Variants in COL21A1 observed in about 807,000 individuals in gnomAD.
COL21A1 encodes the protein collagen alpha-1(XXI) chain.
COL21A1 carries 149 observed loss-of-function variants against 137.9 expected under a neutral mutation model. The observed-to-expected ratio is 1.08, with a 90% CI of 0.95 to 1.24. The LOEUF (loss-of-function observed/expected upper bound fraction) is 1.24, where lower values mean the gene tolerates loss of function less well. Ranked by LOEUF, COL21A1 falls within the 50% of genes most tolerant of loss-of-function variation. The probability of loss-of-function intolerance (pLI) is 0.00; values close to 1 mark genes in which losing one functional copy is unlikely to be tolerated. For synonymous variants in COL21A1, 456 were observed against 391.5 expected, an observed-to-expected ratio of 1.16 and a Z score of -1.95; for missense variants, 1,167 against 1,158.4, an observed-to-expected ratio of 1.01 and a Z score of -0.11.
At chr6:56,120,870 C>A (rs201275665) in intron 16 of COL21A1, among the ~76,000 whole-genome samples, 71 of 151,482 alleles carry the variant, frequency 4.7e-4, no homozygotes, top group African/African-American at 1.6e-3. Flanking sequence ...GGTATGTACC[C>A]AAAAGAAGAA....
intron 16 of COL21A1, among the ~76,000 whole-genome samples, chr6:56,111,182 A>T (rs1313012221): frequency 6.6e-6 from 1 of 151,854 alleles, no homozygotes; most frequent in Non-Finnish European, 1.5e-5. Context: ...TCTGAATCTA[A>T]TCATGAGGAA....
intron 10 of COL21A1, among the ~76,000 whole-genome samples, chr6:56,146,883 T>C (rs1031020681): frequency 3.3e-5 from 5 of 152,162 alleles, no homozygotes; most frequent in South Asian, 2.1e-4. Flanking sequence ...TCCTCTCTCA[T>C]ATAGGAAAGG....
chr6:56,362,021 T>C (rs1266734485), intron 1 of COL21A1, among the ~76,000 whole-genome samples: 1 of 152,162 alleles, frequency 6.6e-6, no homozygotes, highest in Admixed American at 6.5e-5. Flanking sequence ...GAATCAGGTC[T>C]CCAGGTTAAC....
At chr6:56,211,423 T>TG (rs1462866704) in intron 1 of COL21A1, among the ~76,000 whole-genome samples, 5 of 152,046 alleles carry the variant, frequency 3.3e-5, no homozygotes, top group Non-Finnish European at 7.4e-5. Context: ...TTTTAATAGT[T>TG]GGAGTTACTA....
chr6:56,060,909 T>A lies in COL21A1; in HGVS notation c.2334A>T (p.Pro778=). ...TACATACGGGCTTCCCATCCAAACC[T>A]GGGGGTCCCTGAGGACCTGGATCCC... ...QPGDPGPQGP[P]GLDGKPGREF... is the part of the protein sequence containing the mutation. Residue 778 remains proline, a synonymous_variant, in exon 26 of 30, where the codon CCA becomes CCT. Transcript: ENST00000244728. 1 of 1,577,588 alleles carries A rather than the reference T, an allele frequency of 6.3e-7. No homozygotes were observed. The highest frequency in any genetic ancestry group is 2.3e-5 in the East Asian group (1 of 42,806).
At chr6:56,351,038 C>T (rs1455826987) in intron 1 of COL21A1, among the ~76,000 whole-genome samples, 1 of 152,234 alleles carries the variant, frequency 6.6e-6, no homozygotes, top group African/African-American at 2.4e-5. Flanking sequence ...TGCTTCATGC[C>T]TACTCTGTGC....
intron 1 of COL21A1, among the ~76,000 whole-genome samples, chr6:56,213,402 G>A (rs1038345729): frequency 6.6e-6 from 1 of 151,930 alleles, no homozygotes; most frequent in African/African-American, 2.4e-5. Context: ...GCTTTGTGTG[G>A]AGGGACTTGT....
intron 21 of COL21A1, among the ~76,000 whole-genome samples, chr6:56,069,693 A>C (rs1766572075): frequency 6.6e-6 from 1 of 150,504 alleles, no homozygotes; most frequent in East Asian, 2.0e-4. Flanking sequence ...TAAATATATT[A>C]ATATTATAAA....
At chr6:56,140,494 T>C (rs986762474) in intron 12 of COL21A1, among the ~76,000 whole-genome samples, 1 of 152,138 alleles carries the variant, frequency 6.6e-6, no homozygotes, top group African/African-American at 2.4e-5. Flanking sequence ...GGAACAGTAT[T>C]GTGTGGAACA....
intron 1 of COL21A1, among the ~76,000 whole-genome samples, chr6:56,259,799 A>C (rs1157830339): frequency 3.9e-5 from 6 of 152,220 alleles, no homozygotes; most frequent in African/African-American, 1.4e-4. Context: ...AAGGACATAC[A>C]ATATTGCTGC....
At chr6:56,089,566 C>CA (rs1296649743) in intron 17 of COL21A1, among the ~76,000 whole-genome samples, 2 of 151,958 alleles carry the variant, frequency 1.3e-5, no homozygotes, top group Admixed American at 6.6e-5. Flanking sequence ...TAAGTGGACC[C>CA]AAAAAATTCA....
intron 16 of COL21A1, among the ~76,000 whole-genome samples, chr6:56,109,081 GA>G (rs1255898132): frequency 6.6e-6 from 1 of 151,132 alleles, no homozygotes; most frequent in South Asian, 2.1e-4. Flanking sequence ...ACAAAGATGA[GA>G]AAAATATTCA....
rs183809439 is a variant in COL21A1 at position 56,230,780 on chromosome 6, G to A, written c.-39+16607C>T. 2.0e-4 allele frequency among the ~76,000 whole-genome samples: 31 copies of A among 151,730 alleles called. 1 individual carries two copies. Among genetic ancestry groups the A allele is most frequent in the East Asian group, 1.4e-3 (7 of 5,150 alleles). On this transcript the variant is annotated intron_variant, in intron 1 of 29. Transcript: ENST00000244728. ...CTGAGAAAATACAAATTTGAAATAC[G>A]CTAGCTGTACATGTTTATGGGAAAC...
At chr6:56,166,085 G>T (rs1776563621) in intron 7 of COL21A1, among the ~76,000 whole-genome samples, 1 of 151,830 alleles carries the variant, frequency 6.6e-6, no homozygotes, top group African/African-American at 2.4e-5. Flanking sequence ...AACAAGAAAA[G>T]TATCTATTCA....
intron 1 of COL21A1, among the ~76,000 whole-genome samples, chr6:56,201,695 T>A (rs2152298405): frequency 6.6e-6 from 1 of 152,254 alleles, no homozygotes; most frequent in Admixed American, 6.5e-5. Context: ...CTATGAGAAA[T>A]AAGTTAAAGT....
intron 24 of COL21A1, 65 bp from the exon 25 acceptor site, chr6:56,061,746 CCTTTTACCA>C: frequency 1.0e-6 from 1 of 1,002,870 alleles, no homozygotes; most frequent in Non-Finnish European, 1.5e-6. Flanking sequence ...GTGGCATCCA[CCTTTTACCA>C]CATACTTAAT....
intron 1 of COL21A1, among the ~76,000 whole-genome samples, chr6:56,370,262 T>C (rs560175687): frequency 6.6e-6 from 1 of 152,212 alleles, no homozygotes; most frequent in Non-Finnish European, 1.5e-5. Flanking sequence ...CAGATCCCGA[T>C]CTGGAAAAAC....
intron 1 of COL21A1, among the ~76,000 whole-genome samples, chr6:56,215,465 CA>C (rs1412399803): frequency 2.0e-5 from 3 of 151,964 alleles, no homozygotes; most frequent in African/African-American, 7.2e-5. Flanking sequence ...GAGATTTGCC[CA>C]AATCTAAGCA....
At chr6:56,254,918 A>G (rs895406901) in intron 1 of COL21A1, among the ~76,000 whole-genome samples, 4 of 152,164 alleles carry the variant, frequency 2.6e-5, no homozygotes, top group African/African-American at 9.7e-5. Flanking sequence ...ATTCTCATTA[A>G]TTATCCCTAG....
Sources: gnomAD v4.1 joint callset for allele counts (sites outside exome capture counted in the v4.1 genomes callset) on GRCh38, gnomAD v4.1.1 for gene constraint, MANE v1.5 for transcripts, NCBI Gene and HGNC (gene_info 2026-07-23, HGNC 2026-07-21) for gene names.